GALK2: variants seen among roughly 807,000 people sequenced by gnomAD.
GALK2 encodes N-acetylgalactosamine kinase.
Under a neutral mutation model 52.4 loss-of-function variants are expected in GALK2, and 36 were observed. That is an observed-to-expected ratio of 0.69 (90% confidence interval 0.53 to 0.91). The LOEUF (loss-of-function observed/expected upper bound fraction) is 0.91, where lower values mean the gene tolerates loss of function less well. GALK2 is among the 40% of genes least tolerant of loss of function. The pLI is 0.00. For synonymous variants in GALK2, 176 were observed against 199.1 expected (o/e 0.88, Z 0.98); for missense variants, 579 against 559.1 (o/e 1.04, Z -0.36).
At chr15:49,324,598 G>C (rs962692611) in intron 9 of GALK2, among the ~76,000 whole-genome samples, 1 of 152,034 alleles carries the variant, frequency 6.6e-6, no homozygotes, top group East Asian at 1.9e-4. Context: ...AACACTGAAG[G>C]CTGTGGTTTC....
At chr15:49,233,839 G>T (rs564520170) in intron 3 of GALK2, among the ~76,000 whole-genome samples, 2 of 152,054 alleles carry the variant, frequency 1.3e-5, no homozygotes, top group East Asian at 1.9e-4. Flanking sequence ...TCTCAGCCAC[G>T]TATGCCACCC....
chr15:49,215,505 G>A (rs2089297029), intron 2 of GALK2, among the ~76,000 whole-genome samples: 1 of 150,934 alleles, frequency 6.6e-6, no homozygotes, highest in Non-Finnish European at 1.5e-5. Context: ...GATCGATTCT[G>A]CTGTTGAGAG....
chr15:49,170,537 G>T (rs2141169250), intron 1 of GALK2, 162 bp downstream of exon 1: 2 of 646,966 alleles, frequency 3.1e-6, no homozygotes, highest in East Asian at 2.7e-5. Flanking sequence ...TTGCAAAAAA[G>T]ATCACGCCGC....
intron 1 of GALK2, among the ~76,000 whole-genome samples, chr15:49,183,818 G>A (rs2086150123): frequency 2.0e-5 from 3 of 150,918 alleles, no homozygotes; most frequent in East Asian, 1.9e-4. Flanking sequence ...ACTCCAGCCT[G>A]GGCAACAAGA....
In GALK2 at chr15:49,292,359, C is replaced by G. The variant is rs1281521385; in HGVS notation, c.789C>G (p.Asp263Glu). 6.2e-7 allele frequency: 1 copy of G among 1,613,990 alleles called. No individual in the cohort carries two copies. Among genetic ancestry groups the G allele is most frequent in the South Asian group, 1.1e-5 (1 of 91,070 alleles). Residue 263 changes from aspartate (D) to glutamate (E), a missense_variant, in exon 8 of 10, where the codon GAC becomes GAG. Coordinates refer to ENST00000560031, the MANE Select transcript of GALK2 (RefSeq NM_002044.4). ...LLAKYKSLQW[D>E]KVLRLEEVQA... Reference sequence around the variant, plus strand: ...CTAAATACAAAAGCTTGCAATGGGACAAAGTACTGAGGCTGGAGGAGGTGC... The same window carrying G: ...CTAAATACAAAAGCTTGCAATGGGAGAAAGTACTGAGGCTGGAGGAGGTGC...
At chr15:49,200,504 G>T (rs2141301644) in intron 1 of GALK2, among the ~76,000 whole-genome samples, 1 of 152,270 alleles carries the variant, frequency 6.6e-6, no homozygotes, top group South Asian at 2.1e-4. Context: ...AATATGACTG[G>T]TGTCCTTACA....
At chr15:49,295,027 A>G (rs1451068662) in intron 8 of GALK2, among the ~76,000 whole-genome samples, 2 of 152,192 alleles carry the variant, frequency 1.3e-5, no homozygotes, top group Admixed American at 6.5e-5. Context: ...CTATTGCTCT[A>G]TACTCTATAC....
chr15:49,202,346 G>GC (rs2087855193), intron 2 of GALK2, among the ~76,000 whole-genome samples: 1 of 151,962 alleles, frequency 6.6e-6, no homozygotes, highest in African/African-American at 2.4e-5. Context: ...TGCCCTTCCT[G>GC]CCCTCACTAC....
At chr15:49,190,112 A>G (rs993087981) in intron 1 of GALK2, among the ~76,000 whole-genome samples, 1 of 152,192 alleles carries the variant, frequency 6.6e-6, no homozygotes, top group African/African-American at 2.4e-5. Context: ...AATTGTGAAA[A>G]ACTTCGAAAT....
At chr15:49,317,191 C>G (rs1486036073) in intron 8 of GALK2, among the ~76,000 whole-genome samples, 1 of 152,142 alleles carries the variant, frequency 6.6e-6, no homozygotes, top group Non-Finnish European at 1.5e-5. Flanking sequence ...GAGCATTATA[C>G]AGGTAGCAAT....
At chr15:49,273,877 G>T (rs2031189792) in intron 5 of GALK2, among the ~76,000 whole-genome samples, 1 of 152,156 alleles carries the variant, frequency 6.6e-6, no homozygotes, top group Admixed American at 6.5e-5. Flanking sequence ...GAAACAGTCA[G>T]GGTTGTAACA....
intron 1 of GALK2, chr15:49,156,348 G>C (rs768341146): frequency 3.0e-5 from 12 of 405,666 alleles, no homozygotes; most frequent in Non-Finnish European, 5.2e-5. Flanking sequence ...GGTGACTCGC[G>C]GGATCAGGAA....
intron 1 of GALK2, among the ~76,000 whole-genome samples, chr15:49,171,777 A>T (rs57062748): frequency 0.42 from 38,129 of 91,428 alleles, 5,283 homozygotes; most frequent in African/African-American, 0.46. Flanking sequence ...GTTTAGTCTT[A>T]TTTTTTTTTT....
intron 1 of GALK2, among the ~76,000 whole-genome samples, chr15:49,175,826 T>C (rs2085404310): frequency 6.6e-6 from 1 of 152,224 alleles, no homozygotes; most frequent in African/African-American, 2.4e-5. Flanking sequence ...AAAAAAGCAC[T>C]GTGAAGATCC....
chr15:49,183,460 A>G (rs1359965305), intron 1 of GALK2, among the ~76,000 whole-genome samples: 5 of 152,162 alleles, frequency 3.3e-5, no homozygotes, highest in Non-Finnish European at 7.4e-5. Flanking sequence ...GTGTTTGTAT[A>G]GTTTCTAAAG....
chr15:49,334,156 T>C, downstream of GALK2: 8 of 679,004 alleles, frequency 1.2e-5, no homozygotes, highest in Non-Finnish European at 1.5e-5. Flanking sequence ...TTTGTGGTTT[T>C]ATGTAACATC....
At chr15:49,252,668 C>A (rs1464367160) in intron 5 of GALK2, among the ~76,000 whole-genome samples, 2 of 105,728 alleles carry the variant, frequency 1.9e-5, no homozygotes, top group Admixed American at 9.4e-5. Flanking sequence ...TATTTTCATA[C>A]TTATTCACTT....
intron 3 of GALK2, among the ~76,000 whole-genome samples, chr15:49,338,760 C>T (rs182829287): frequency 6.6e-6 from 1 of 152,322 alleles, no homozygotes; most frequent in African/African-American, 2.4e-5. Context: ...CTTTCAGGTA[C>T]ACCAATCAAT....
intron 8 of GALK2, among the ~76,000 whole-genome samples, chr15:49,302,101 G>A (rs1348432795): frequency 2.0e-5 from 3 of 152,172 alleles, no homozygotes; most frequent in South Asian, 2.1e-4. Context: ...TAGGTGGTAC[G>A]AGCTGGAGCC....
Sources: allele counts gnomAD v4.1 joint callset (sites outside exome capture counted in the v4.1 genomes callset), GRCh38; gene constraint gnomAD v4.1.1; transcripts MANE v1.5; gene names NCBI Gene and HGNC (gene_info 2026-07-23, HGNC 2026-07-21).